Variants in SPPL2B observed in about 807,000 individuals in gnomAD.
The protein encoded by SPPL2B is signal peptide peptidase like 2B, also known as signal peptide peptidase-like 2B.
In SPPL2B, 39 loss-of-function variants were observed where a neutral mutation model predicts 59.7. The observed-to-expected ratio is 0.65, with a 90% CI of 0.51 to 0.85. The LOEUF is 0.85. Among genes scored for constraint, SPPL2B ranks in the 40% least tolerant of loss-of-function variants. SPPL2B has a pLI of 0.00. For synonymous variants in SPPL2B, 419 were observed against 370.8 expected (o/e 1.13, Z -1.49); for missense variants, 865 against 849.0 (o/e 1.02, Z -0.23).
intron 13 of SPPL2B, among the ~76,000 whole-genome samples, chr19:2,348,834 A>G (rs368211291): frequency 8.9e-4 from 29 of 32,716 alleles, no homozygotes; most frequent in South Asian, 2.0e-3. Flanking sequence ...GCTTGATTCC[A>G]TTCTCTCCCT....
At chr19:2,334,845 G>T (rs1317254553) in intron 2 of SPPL2B, 124 bp downstream of exon 2, 5 of 1,290,146 alleles carry the variant, frequency 3.9e-6, no homozygotes, top group South Asian at 1.6e-5. Context: ...GACCAGGTCT[G>T]GGGGACTCTT....
intron 7 of SPPL2B, chr19:2,340,644 C>T (rs965422350): frequency 5.7e-5 from 32 of 565,858 alleles, no homozygotes; most frequent in Middle Eastern, 6.4e-4. Context: ...GGCAGGGCCT[C>T]GGGCGAAGGG....
At chr19:2,334,552 A>C in intron 1 of SPPL2B, 50 bp from the exon 2 acceptor site, 1 of 1,570,456 alleles carries the variant, frequency 6.4e-7, no homozygotes, top group Non-Finnish European at 8.6e-7. Context: ...GGGGCGGTGC[A>C]GCCCCGCACG....
chr19:2,343,019 A>G, intron 8 of SPPL2B, 192 bp from the exon 9 acceptor site: 1 of 593,116 alleles, frequency 1.7e-6, no homozygotes, highest in East Asian at 2.8e-5. Flanking sequence ...CTGTGCCGCC[A>G]GCCCTGCTGG....
chr19:2,348,976 T>TTCTC (rs771026213), intron 13 of SPPL2B, among the ~76,000 whole-genome samples: 1 of 48,504 alleles, frequency 2.1e-5, no homozygotes, highest in African/African-American at 1.0e-4. Context: ...CTTGATTCCG[T>TTCTC]TCTCTCTCCA....
intron 8 of SPPL2B, chr19:2,342,565 A>G (rs964619065): frequency 7.2e-5 from 11 of 152,586 alleles, no homozygotes; most frequent in African/African-American, 2.7e-4. Context: ...AGGCAGGAGA[A>G]TTGCTTGAAC....
Position 2,332,420 on chromosome 19 carries a change from C to G in SPPL2B, c.67-2182C>G, listed in dbSNP as rs113258070. The stretch of plus-strand genomic sequence containing the variant: ...AAGCCAGAGCTGTCCTTCCCCAGTC[C>G]TAGCTTGGCAGAGCTGCGTCTGCAC... On this transcript the variant is annotated intron_variant, in intron 1 of 14. Coordinates refer to ENST00000613503, the MANE Select transcript of SPPL2B (RefSeq NM_152988.3). This position sits in a 1 kb window ranked among gnomAD's most constrained non-coding sequence, Gnocchi z 4.6. 6.2e-3 allele frequency among the ~76,000 whole-genome samples: 950 copies of G among 152,346 alleles called. 12 individuals are homozygous for G. The highest frequency in any genetic ancestry group is 0.022 in the African/African-American group (905 of 41,566).
chr19:2,340,622 A>G, intron 7 of SPPL2B: 1 of 554,746 alleles, frequency 1.8e-6, no homozygotes, highest in Admixed American at 3.2e-5. Context: ...AGGAGGTGGG[A>G]GGTCTGGAGC....
intron 2 of SPPL2B, among the ~76,000 whole-genome samples, chr19:2,336,902 T>TGTGG (rs527247186): frequency 7.3e-6 from 1 of 137,338 alleles, no homozygotes; most frequent in African/African-American, 2.5e-5. Context: ...GCTGTGGGTG[T>TGTGG]GTGTGTGTGT....
chr19:2,346,882 C>T (rs1313375056), intron 13 of SPPL2B, among the ~76,000 whole-genome samples: 1 of 152,146 alleles, frequency 6.6e-6, no homozygotes, highest in African/African-American at 2.4e-5. Context: ...AGGGACGCTC[C>T]CCGTGGCATG....
intron 3 of SPPL2B, 192 bp downstream of exon 3, chr19:2,337,817 T>C: frequency 3.4e-6 from 2 of 589,840 alleles, no homozygotes; most frequent in East Asian, 3.1e-5. Flanking sequence ...AGGGCGGAGA[T>C]GAGTCTGTTC....
chr19:2,344,145 C>G (rs1305429882), intron 10 of SPPL2B, 106 bp downstream of exon 10: 1 of 543,084 alleles, frequency 1.8e-6, no homozygotes, highest in African/African-American at 2.5e-5. Flanking sequence ...CGTCCCGCCC[C>G]CTCGTCCCCC....
intron 4 of SPPL2B, 91 bp downstream of exon 4, chr19:2,338,932 T>C: frequency 6.6e-7 from 1 of 1,504,682 alleles, no homozygotes; most frequent in Non-Finnish European, 9.0e-7. Context: ...CCTCAGTTGG[T>C]GGGATCAGGG....
chr19:2,351,359 C>T, intron 13 of SPPL2B, 75 bp from the exon 14 acceptor site: 1 of 1,287,902 alleles, frequency 7.8e-7, no homozygotes, highest in African/African-American at 1.5e-5. Flanking sequence ...CCCCAGCCCG[C>T]TCACGTTCTT....
chr19:2,338,572 T>G, intron 3 of SPPL2B, 180 bp from the exon 4 acceptor site: 2 of 548,164 alleles, frequency 3.6e-6, no homozygotes, highest in Non-Finnish European at 6.6e-6. Context: ...TCGGCCTCCC[T>G]GTTCTTGGGT....
chr19:2,352,139 C>T (rs1031920468), intron 14 of SPPL2B, among the ~76,000 whole-genome samples: 5 of 151,846 alleles, frequency 3.3e-5, no homozygotes, highest in African/African-American at 1.2e-4. Context: ...GCTTACGCCA[C>T]GTCGGTTCTG....
chr19:2,346,587 A>T (rs1484917380), intron 13 of SPPL2B, among the ~76,000 whole-genome samples: 1 of 152,170 alleles, frequency 6.6e-6, no homozygotes, highest in Non-Finnish European at 1.5e-5. Context: ...GGATCGCTTG[A>T]GCCTGGGAGT....
intron 13 of SPPL2B, among the ~76,000 whole-genome samples, chr19:2,351,145 A>G (rs944880201): frequency 6.6e-6 from 1 of 152,168 alleles, no homozygotes; most frequent in Non-Finnish European, 1.5e-5. Flanking sequence ...GCTGTCCTGC[A>G]GCTGCCCGGA....
chr19:2,351,694 C>T, intron 14 of SPPL2B, 100 bp downstream of exon 14: 1 of 1,484,986 alleles, frequency 6.7e-7, no homozygotes. Flanking sequence ...AGCCCTGCGG[C>T]CGCGACGGGG....
Sources: gnomAD v4.1 joint callset for allele counts (sites outside exome capture counted in the v4.1 genomes callset) on GRCh38, gnomAD v4.1.1 for gene constraint, Gnocchi (gnomAD v3.1) non-coding constraint, MANE v1.5 for transcripts, NCBI Gene and HGNC (gene_info 2026-07-23, HGNC 2026-07-21) for gene names.